The following FHAD1 variants were observed in gnomAD, a reference collection of about 807,000 sequenced individuals.
The protein encoded by FHAD1 is forkhead associated phosphopeptide binding domain 1.
FHAD1 carries 146 observed loss-of-function variants against 191.3 expected under a neutral mutation model. That is an observed-to-expected ratio of 0.76 (90% CI 0.67 to 0.88). The LOEUF is 0.88. Ranked by LOEUF, FHAD1 falls within the 40% of genes least tolerant of loss-of-function variation. The pLI, the probability that FHAD1 is intolerant of heterozygous loss-of-function variation, is 0.00. For synonymous variants in FHAD1, 616 were observed against 672.3 expected (o/e 0.92, Z 1.29); for missense variants, 1,635 against 1,785.8 (o/e 0.92, Z 1.52).
In FHAD1 at chr1:15,374,318, C is replaced by CT. The variant is rs1347448369; in HGVS notation, c.3448-183dup. On this transcript the variant is annotated intron_variant, in intron 26 of 33. Coordinates refer to ENST00000688493, the MANE Select transcript of FHAD1 (RefSeq NM_001391957.1). The stretch of plus-strand genomic sequence containing the variant: ...CTAAATAAGAAAGTTGGAAGTCTTC[C>CT]TACATGTGACCCGATATTTGAGATG... 3.9e-5 allele frequency among the ~76,000 whole-genome samples: 6 copies of CT among 152,262 alleles called. No individual in the cohort carries two copies. In the East Asian group the frequency reaches 1.2e-3, roughly 29 times the overall value.
At chr1:15,392,260 T>C (rs116700137) in intron 33 of FHAD1, among the ~76,000 whole-genome samples, 2,147 of 152,154 alleles carry the variant, frequency 0.014, 25 homozygotes, top group South Asian at 0.024. Context: ...AGGCCAGGCG[T>C]GGTGGCTCAC....
chr1:15,324,729 C>T, intron 11 of FHAD1, 170 bp downstream of exon 11: 1 of 614,054 alleles, frequency 1.6e-6, no homozygotes, highest in Non-Finnish European at 2.9e-6. Flanking sequence ...CCCCCATGGA[C>T]ATCGCTTAAC....
At chr1:15,390,344 CAAA>C (rs59353142) in intron 32 of FHAD1, among the ~76,000 whole-genome samples, 9,704 of 68,716 alleles carry the variant, frequency 0.14, 281 homozygotes, top group South Asian at 0.28. Context: ...GACTCTGTCT[CAAA>C]AAAAAAAAAA....
chr1:15,287,400 G>T (rs1558007681), intron 3 of FHAD1, among the ~76,000 whole-genome samples: 1 of 152,176 alleles, frequency 6.6e-6, no homozygotes, highest in Non-Finnish European at 1.5e-5. Flanking sequence ...GTTCCCCAGG[G>T]CTGGGGAGGC....
chr1:15,242,086 A>G (rs965897465), intron 1 of FHAD1, among the ~76,000 whole-genome samples: 2 of 152,054 alleles, frequency 1.3e-5, no homozygotes, highest in Non-Finnish European at 2.9e-5. Context: ...TACAAAAAGT[A>G]GCCGGGCATG....
At chr1:15,278,485 T>A (rs1288624992) in intron 3 of FHAD1, among the ~76,000 whole-genome samples, 1 of 148,678 alleles carries the variant, frequency 6.7e-6, no homozygotes, top group Admixed American at 6.7e-5. Context: ...CTTTTTTTTT[T>A]TTTTTTGAGA....
intron 6 of FHAD1, among the ~76,000 whole-genome samples, chr1:15,301,946 C>T (rs1011916464): frequency 2.0e-5 from 3 of 152,120 alleles, no homozygotes; most frequent in Non-Finnish European, 4.4e-5. Context: ...ACCTGGGAGG[C>T]AGAGGTTGCA....
chr1:15,359,522 CG>C, intron 21 of FHAD1, among the ~76,000 whole-genome samples: 1 of 151,950 alleles, frequency 6.6e-6, no homozygotes. Context: ...ATTTGCCATT[CG>C]GGGGTCATTA....
intron 8 of FHAD1, 112 bp downstream of exon 8, chr1:15,313,299 C>G: frequency 9.4e-7 from 1 of 1,061,260 alleles, no homozygotes; most frequent in Non-Finnish European, 1.3e-6. Context: ...AAATTTCATT[C>G]CTTCCTCTCA....
At chr1:15,315,484 C>CG (rs1674087887) in intron 8 of FHAD1, among the ~76,000 whole-genome samples, 1 of 106,108 alleles carries the variant, frequency 9.4e-6, no homozygotes, top group Non-Finnish European at 2.0e-5. Flanking sequence ...ATGGGTGTTT[C>CG]CTTTTTTTTT....
intron 9 of FHAD1, among the ~76,000 whole-genome samples, chr1:15,317,448 G>A (rs921337159): frequency 7.9e-5 from 12 of 152,104 alleles, no homozygotes; most frequent in Non-Finnish European, 1.0e-4. Context: ...TCATTGTTCC[G>A]TTCTTCCAGA....
At chr1:15,241,941 A>G (rs559536412) in intron 1 of FHAD1, among the ~76,000 whole-genome samples, 1 of 152,322 alleles carries the variant, frequency 6.6e-6, no homozygotes, top group African/African-American at 2.4e-5. Flanking sequence ...TTCGATAAAA[A>G]GTTTACAAAA....
chr1:15,282,543 A>G (rs960204522), intron 3 of FHAD1, among the ~76,000 whole-genome samples: 3 of 152,202 alleles, frequency 2.0e-5, no homozygotes, highest in African/African-American at 4.8e-5. Flanking sequence ...GAGTAAGACG[A>G]AAGTGAAATG....
At chr1:15,383,002 C>CCA (rs939706244) in intron 31 of FHAD1, among the ~76,000 whole-genome samples, 26 of 152,058 alleles carry the variant, frequency 1.7e-4, no homozygotes, top group African/African-American at 4.3e-4. Context: ...CCCCCTCCCA[C>CCA]CACACACACA....
At chr1:15,326,019 T>A (rs1286799831) in intron 11 of FHAD1, 1 of 152,316 alleles carries the variant, frequency 6.6e-6, no homozygotes, top group Non-Finnish European at 1.5e-5. Flanking sequence ...AGTCAATTCT[T>A]TGGGTGAGCT....
intron 8 of FHAD1, chr1:15,314,618 TGG>T (rs1399647106): frequency 8.8e-5 from 4 of 45,484 alleles, no homozygotes; most frequent in Admixed American, 3.0e-4. Flanking sequence ...TATGTGGGTG[TGG>T]GTGTGAGGAT....
chr1:15,308,009 C>T (rs1471419487), intron 6 of FHAD1, among the ~76,000 whole-genome samples: 2 of 152,182 alleles, frequency 1.3e-5, no homozygotes, highest in Non-Finnish European at 2.9e-5. Flanking sequence ...GGATTACAGG[C>T]GTGAGCCACT....
chr1:15,258,184 C>T (rs146119007), intron 2 of FHAD1, among the ~76,000 whole-genome samples: 102 of 152,248 alleles, frequency 6.7e-4, no homozygotes, highest in African/African-American at 2.5e-3. Flanking sequence ...ACAAGAACTC[C>T]CTTCATCTTG....
chr1:15,354,917 G>A lies in FHAD1; in HGVS notation c.2562+1933G>A, dbSNP rs903224481. 2.0e-5 allele frequency among the ~76,000 whole-genome samples: 3 copies of A among 150,478 alleles called. No individual in the cohort carries two copies. In the Admixed American group the frequency reaches 2.0e-4, roughly 10 times the overall value. ...ATCCTTAGAACAGTAACACCAGAAG[G>A]TAGAGTCTTGGCCGGGCGCAGTGAC... On this transcript the variant is annotated intron_variant, in intron 20 of 33. Transcript: ENST00000688493.
Sources: allele counts gnomAD v4.1 joint callset (sites outside exome capture counted in the v4.1 genomes callset), GRCh38; gene constraint gnomAD v4.1.1; transcripts MANE v1.5; gene names NCBI Gene and HGNC (gene_info 2026-07-23, HGNC 2026-07-21).